Variants in SLCO3A1 observed in about 807,000 individuals in gnomAD.
SLCO3A1 encodes PGE1 transporter.
In SLCO3A1, 27 loss-of-function variants were observed where a neutral mutation model predicts 63.1. The observed-to-expected ratio is 0.43, with a 90% CI of 0.32 to 0.59. The LOEUF (loss-of-function observed/expected upper bound fraction) is 0.59. SLCO3A1 is among the 20% of genes least tolerant of loss of function. The pLI, the probability that SLCO3A1 is intolerant of heterozygous loss-of-function variation, is 0.09. For missense variants in SLCO3A1, 773 were observed against 945.8 expected (o/e 0.82, Z 2.40); for synonymous variants, 473 against 409.9 (o/e 1.15, Z -1.86).
intron 3 of SLCO3A1, among the ~76,000 whole-genome samples, chr15:92,096,394 G>T (rs1457937660): frequency 6.6e-6 from 1 of 152,240 alleles, no homozygotes. Context: ...AAAGAGAAGG[G>T]ATTATTACAC....
At position 92,165,511 on chromosome 15, in the gene SLCO3A1, AAAAG is replaced by A. The variant is rs996732960; in HGVS notation, c.*2381_*2384del. On this transcript the variant is annotated 3_prime_UTR_variant, in exon 10 of 10. Transcript: ENST00000318445. ...GAACTATTTGCTTTGAGAGAAAAAA[AAAAG>A]AAAGTTTTTTAAACTCTTTGCATTT... The A allele has an allele frequency of 9.3e-5, 91 of 982,174 alleles. No homozygotes were observed. Among genetic ancestry groups the A allele is most frequent in the African/African-American group, 5.6e-4 (32 of 57,044 alleles). The allele number at this position is 982,174 out of a possible 1,614,324, so 60.8% of individuals were successfully genotyped here. A position where few individuals can be genotyped will look rare whatever the true frequency, so the allele number is the denominator to read the frequency against.
At chr15:92,098,348 C>T (rs207967) in intron 3 of SLCO3A1, 50,301 of 152,196 alleles carry the variant, frequency 0.33, 8,536 homozygotes, top group Admixed American at 0.38. Context: ...ATGGGCTGCT[C>T]CCGCTGCTGC....
At position 91,919,100 on chromosome 15, in the gene SLCO3A1, T is replaced by C. The variant is rs868823882; in HGVS notation, c.646+2642T>C. Reference sequence around the variant, plus strand: ...AGCTCAGGCTGCAGATCAGTGGTGATGACACCTGCCCCGGGTCACCCGCAT... The same window carrying C: ...AGCTCAGGCTGCAGATCAGTGGTGACGACACCTGCCCCGGGTCACCCGCAT... On this transcript the variant is annotated intron_variant, in intron 2 of 9. Transcript: ENST00000318445. 3.7e-4 allele frequency among the ~76,000 whole-genome samples: 57 copies of C among 152,366 alleles called. 1 individual carries two copies. The highest frequency in any genetic ancestry group is 1.3e-3 in the African/African-American group (56 of 41,588).
intron 2 of SLCO3A1, among the ~76,000 whole-genome samples, chr15:91,997,676 A>G (rs1348853857): frequency 1.3e-5 from 2 of 152,214 alleles, no homozygotes; most frequent in East Asian, 3.8e-4. Flanking sequence ...AGACCAGTGG[A>G]GCAGAATAGA....
At chr15:92,135,868 A>G (rs2048051074) in intron 7 of SLCO3A1, among the ~76,000 whole-genome samples, 1 of 152,104 alleles carries the variant, frequency 6.6e-6, no homozygotes, top group Admixed American at 6.5e-5. Context: ...CTTTATGAAC[A>G]TTTCTAGAAA....
At chr15:92,134,227 C>T (rs1279580564) in intron 7 of SLCO3A1, among the ~76,000 whole-genome samples, 9 of 152,318 alleles carry the variant, frequency 5.9e-5, no homozygotes, top group African/African-American at 2.2e-4. Flanking sequence ...TTGCAGCCCT[C>T]CTCATATAGC....
intron 2 of SLCO3A1, among the ~76,000 whole-genome samples, chr15:91,937,813 T>G (rs1221544363): frequency 6.6e-6 from 1 of 152,090 alleles, no homozygotes; most frequent in Non-Finnish European, 1.5e-5. Context: ...TATGCAAAGT[T>G]TTAATTTGAG....
At chr15:92,007,169 T>C (rs1204640110) in intron 2 of SLCO3A1, among the ~76,000 whole-genome samples, 1 of 152,246 alleles carries the variant, frequency 6.6e-6, no homozygotes, top group Admixed American at 6.5e-5. Context: ...CTCAATGAGA[T>C]AAAGGTCAGT....
At chr15:91,940,745 C>G (rs1899591595) in intron 2 of SLCO3A1, among the ~76,000 whole-genome samples, 1 of 152,132 alleles carries the variant, frequency 6.6e-6, no homozygotes, top group African/African-American at 2.4e-5. Context: ...CTCCACAACC[C>G]AGAGAATGAA....
At chr15:91,939,009 A>G (rs1386116194) in intron 2 of SLCO3A1, among the ~76,000 whole-genome samples, 4 of 152,158 alleles carry the variant, frequency 2.6e-5, no homozygotes, top group Non-Finnish European at 4.4e-5. Context: ...TACTTGTGGA[A>G]GCTGCCTTGG....
intron 2 of SLCO3A1, among the ~76,000 whole-genome samples, chr15:92,063,146 G>C (rs2047107300): frequency 6.6e-6 from 1 of 152,234 alleles, no homozygotes; most frequent in African/African-American, 2.4e-5. Flanking sequence ...TTGGGAACCA[G>C]ATACGCTCTG....
chr15:91,982,576 G>A (rs1414927308), intron 2 of SLCO3A1, among the ~76,000 whole-genome samples: 1 of 152,230 alleles, frequency 6.6e-6, no homozygotes, highest in Non-Finnish European at 1.5e-5. Flanking sequence ...GGCAAAAGCA[G>A]TGTTAGGGCT....
intron 1 of SLCO3A1, among the ~76,000 whole-genome samples, chr15:91,857,495 A>G (rs898646393): frequency 4.0e-5 from 6 of 151,834 alleles, no homozygotes; most frequent in Non-Finnish European, 5.9e-5. Context: ...GTCATTTTGT[A>G]TGGAACAGAG....
At chr15:92,081,341 C>CTT (rs113782787) in intron 2 of SLCO3A1, among the ~76,000 whole-genome samples, 307 of 148,642 alleles carry the variant, frequency 2.1e-3, no homozygotes, top group African/African-American at 6.9e-3. Context: ...ACTAGTGGTG[C>CTT]TTTTTTTTTT....
chr15:92,010,057 G>T (rs1244684317), intron 2 of SLCO3A1, among the ~76,000 whole-genome samples: 2 of 152,188 alleles, frequency 1.3e-5, no homozygotes, highest in East Asian at 3.9e-4. Flanking sequence ...AAGCAAATGG[G>T]AGATGGCGGA....
intron 9 of SLCO3A1, among the ~76,000 whole-genome samples, chr15:92,154,486 T>A (rs963658217): frequency 2.0e-5 from 3 of 151,966 alleles, no homozygotes; most frequent in African/African-American, 7.3e-5. Flanking sequence ...CATAAGTAGG[T>A]GGATGTGGCC....
At chr15:91,952,798 G>A (rs1026850055) in intron 2 of SLCO3A1, among the ~76,000 whole-genome samples, 2 of 152,116 alleles carry the variant, frequency 1.3e-5, no homozygotes, top group Non-Finnish European at 2.9e-5. Context: ...GCAGGTATTC[G>A]TACATTTCCT....
At chr15:92,041,576 C>A (rs2046797176) in intron 2 of SLCO3A1, among the ~76,000 whole-genome samples, 1 of 152,192 alleles carries the variant, frequency 6.6e-6, no homozygotes, top group African/African-American at 2.4e-5. Context: ...TCAACCCGTA[C>A]ATTTTAAATG....
At chr15:92,152,031 G>T (rs879612425) in intron 9 of SLCO3A1, among the ~76,000 whole-genome samples, 10 of 152,164 alleles carry the variant, frequency 6.6e-5, no homozygotes, top group Admixed American at 2.0e-4. Flanking sequence ...GACTTAGAAA[G>T]GGCATGTGAT....
Sources: allele counts gnomAD v4.1 joint callset (sites outside exome capture counted in the v4.1 genomes callset), GRCh38; gene constraint gnomAD v4.1.1; transcripts MANE v1.5; gene names NCBI Gene and HGNC (gene_info 2026-07-23, HGNC 2026-07-21).